The following GANAB variants were observed in gnomAD, a reference collection of about 807,000 sequenced individuals.
GANAB encodes glucosidase II alpha subunit, also known as neutral alpha-glucosidase AB.
In GANAB, 35 loss-of-function variants were observed where a neutral mutation model predicts 129.9. That is an observed-to-expected ratio of 0.27 (90% CI 0.21 to 0.36). GANAB has a LOEUF of 0.36. GANAB is among the 10% of genes least tolerant of loss of function. The pLI, the probability that GANAB is intolerant of heterozygous loss-of-function variation, is 1.00. For synonymous variants in GANAB, 482 were observed against 451.8 expected (o/e 1.07, Z -0.85); for missense variants, 939 against 1,221.0 (o/e 0.77, Z 3.44).
At chr11:62,634,201 T>C (rs1197685289) in intron 5 of GANAB, 2 of 741,894 alleles carry the variant, frequency 2.7e-6, no homozygotes, top group Non-Finnish European at 4.9e-6. Flanking sequence ...CAGGGGAAAG[T>C]GGGGTGAGTG....
Position 62,630,692 on chromosome 11 carries a change from T to G in GANAB, c.1295A>C (p.His432Pro). Residue 432 changes from histidine (H) to proline (P), a missense_variant, in exon 11 of 24, where the codon CAT (histidine) becomes CCT (proline). Around this residue, in one of 5 missense-constraint regions of GANAB, gnomAD observed 220 missense variants for 295.9 expected, o/e 0.74. Coordinates refer to ENST00000356638, the MANE Select transcript of GANAB (RefSeq NM_198334.3). ...GGTGAAATACCGCTTGCCATCAGCATGTTCAATGTCTAGCCAGATGACATC... is the reference window on the plus strand; with the variant it reads ...GGTGAAATACCGCTTGCCATCAGCAGGTTCAATGTCTAGCCAGATGACATC... The part of the protein sequence containing the change: ...PCDVIWLDIE[H>P]ADGKRYFTWD... The G allele has an allele frequency of 6.2e-7, 1 of 1,614,200 alleles. No individual in the cohort carries two copies. Among genetic ancestry groups the G allele is most frequent in the Non-Finnish European group, 8.5e-7 (1 of 1,180,038 alleles).
At chr11:62,638,955 A>G (rs765844741) in intron 4 of GANAB, 28 bp downstream of exon 4, 1 of 1,610,280 alleles carries the variant, frequency 6.2e-7, no homozygotes, top group Non-Finnish European at 8.5e-7. Context: ...GGGGCCACAG[A>G]AATGGATGTT....
At chr11:62,634,441 C>A in intron 5 of GANAB, 1 of 1,034,182 alleles carries the variant, frequency 9.7e-7, no homozygotes, top group Non-Finnish European at 1.5e-6. Flanking sequence ...AAAACAGAAA[C>A]ATAAAAGTGA....
intron 4 of GANAB, among the ~76,000 whole-genome samples, chr11:62,636,855 A>AG (rs1287580223): frequency 6.6e-6 from 1 of 152,126 alleles, no homozygotes; most frequent in East Asian, 1.9e-4. Flanking sequence ...TCAACACAGG[A>AG]GGCGGAGGTT....
chr11:62,629,507 C>G (rs1943559348), intron 15 of GANAB, 81 bp downstream of exon 15: 2 of 974,714 alleles, frequency 2.1e-6, no homozygotes, highest in Admixed American at 2.2e-5. Context: ...TCCCATTCCT[C>G]AGAGAGGCAG....
chr11:62,630,965 C>T, intron 10 of GANAB, 65 bp downstream of exon 10: 1 of 1,549,554 alleles, frequency 6.5e-7, no homozygotes, highest in Non-Finnish European at 8.8e-7. Context: ...CACAGGATCT[C>T]TGAAAACACA....
Position 62,632,991 on chromosome 11 carries a change from A to T in GANAB, c.815+14T>A, listed in dbSNP as rs558180698. On this transcript the variant is annotated intron_variant, in intron 8 of 23. Transcript: ENST00000356638. ...TGCCCACCTCCATCTTCCTGATGTC[A>T]CCATAGGACTCACTCAGTGACCTTC... The T allele has an allele frequency of 6.7e-7, 1 of 1,485,148 alleles. No homozygotes were observed. Among genetic ancestry groups the T allele is most frequent in the Admixed American group, 1.7e-5 (1 of 59,836 alleles). 92.0% of individuals were successfully genotyped at this position (1,485,148 alleles called of 1,614,324 possible).
chr11:62,633,528 G>C lies in GANAB; in HGVS notation c.561-14C>G. The C allele has an allele frequency of 6.2e-7, 1 of 1,613,202 alleles. No individual in the cohort carries two copies. The highest frequency in any genetic ancestry group is 8.5e-7 in the Non-Finnish European group (1 of 1,179,248). On this transcript the variant is annotated splice_polypyrimidine_tract_variant and intron_variant, in intron 5 of 23. Transcript: ENST00000356638. ...TTTGATCCTTGCCTGGAAGGTAGGA[G>C]AGCTGTCTGCTCCAATCCAGAGGGG...
intron 4 of GANAB, among the ~76,000 whole-genome samples, chr11:62,638,514 G>A (rs1944050690): frequency 6.6e-6 from 1 of 151,894 alleles, no homozygotes; most frequent in East Asian, 1.9e-4. Flanking sequence ...ATGGAACACT[G>A]GTGACAGAGT....
At chr11:62,638,917 CA>C in intron 4 of GANAB, 65 bp downstream of exon 4, 21 of 1,556,220 alleles carry the variant, frequency 1.3e-5, no homozygotes, top group Admixed American at 1.7e-5. Flanking sequence ...TATCAGCAAC[CA>C]AAAAAAGGTT....
chr11:62,639,570 T>G (rs546028338), intron 2 of GANAB, 57 bp downstream of exon 2: 2 of 1,447,922 alleles, frequency 1.4e-6, no homozygotes, highest in Non-Finnish European at 1.9e-6. Context: ...GCCACAGATA[T>G]CTCCCACATT....
At chr11:62,628,713 C>G in intron 17 of GANAB, 56 bp downstream of exon 17, 1 of 1,581,884 alleles carries the variant, frequency 6.3e-7, no homozygotes, top group Non-Finnish European at 8.7e-7. Flanking sequence ...GAAGCCCAGT[C>G]CCTAATACCC....
At chr11:62,629,330 G>T in intron 15 of GANAB, 35 bp from the exon 16 acceptor site, 1 of 1,432,918 alleles carries the variant, frequency 7.0e-7, no homozygotes, top group Non-Finnish European at 9.9e-7. Context: ...CTTGCACATG[G>T]TAAAGGAGTT....
intron 1 of GANAB, among the ~76,000 whole-genome samples, chr11:62,645,220 C>T (rs972587246): frequency 2.0e-5 from 3 of 152,108 alleles, no homozygotes; most frequent in Admixed American, 6.6e-5. Context: ...GTCCACCTGC[C>T]AAAAGCAGCA....
rs1322002245 is a variant in GANAB, at chr11:62,625,848, A to G, written c.2802T>C (p.Asn934=). The G allele has an allele frequency of 1.2e-6, 2 of 1,613,202 alleles. No homozygotes were observed. Among genetic ancestry groups the G allele is most frequent in the East Asian group, 4.5e-5 (2 of 44,888 alleles). Residue 934 remains asparagine (N), a synonymous_variant, in exon 24 of 24, where the codon AAT becomes AAC. Coordinates refer to ENST00000356638, the MANE Select transcript of GANAB (RefSeq NM_198334.3). ...SVLVLRKPGI[N]VASDWSIHLR ...GGTGAATACTCCAATCAGATGCCAC[A>G]TTGATGCCAGGCTTGCGCAGGACCA...
Position 62,633,110 on chromosome 11 carries a change from A to T in GANAB, c.719-9T>A. On this transcript the variant is annotated splice_polypyrimidine_tract_variant and intron_variant, in intron 7 of 23. Transcript: ENST00000356638. ...ACCCACAGACATGGGGCCTGGAAGA[A>T]AAACAAACAAGCTTCAGAGCTTCTG... is the stretch of plus-strand genomic sequence containing the variant. 6.2e-7 allele frequency: 1 copy of T among 1,609,334 alleles called. No individual in the cohort carries two copies. The highest frequency in any genetic ancestry group is 1.7e-4 in the Middle Eastern group (1 of 6,056).
chr11:62,631,179 A>G lies in GANAB; in HGVS notation c.1001T>C (p.Leu334Pro), dbSNP rs1183260532. 5 of 1,590,726 alleles carry G rather than the reference A, an allele frequency of 3.1e-6. No homozygotes were observed. Among genetic ancestry groups the G allele is most frequent in the Non-Finnish European group, 4.3e-6 (5 of 1,161,226 alleles). The change falls in exon 10 of 24, where the codon CTG (leucine) becomes CCG (proline). Residue 334 changes from leucine (L) to proline (P), a missense_variant. By Grantham distance (98) the Leu-to-Pro change is moderately conservative. Coordinates refer to ENST00000356638, the MANE Select transcript of GANAB (RefSeq NM_198334.3). ...DISSNTAGKT[L>P]FGKMMDYLQG... ...CAGGTAGTCCATCATCTTCCCAAAC[A>G]GGGTCTGTATAGGTGACCACAAAGG...
At chr11:62,637,106 T>G (rs1026526587) in intron 4 of GANAB, among the ~76,000 whole-genome samples, 8 of 152,034 alleles carry the variant, frequency 5.3e-5, no homozygotes, top group African/African-American at 1.9e-4. Flanking sequence ...TCTAAGAAAT[T>G]TTATCAGTCT....
rs1943629764 is a variant in GANAB at position 62,630,660 on chromosome 11, G to C, written c.1327C>G (p.Pro443Ala). The C allele has an allele frequency of 6.2e-7, 1 of 1,614,092 alleles. No individual in the cohort carries two copies. Among genetic ancestry groups the C allele is most frequent in the African/African-American group, 1.3e-5 (1 of 74,924 alleles). ...GTGCGGGGCTGAGGGAAGCGACTGG[G>C]GTCCCAGGTGAAATACCGCTTGCCA... ...ADGKRYFTWD[P>A]SRFPQPRTML... Residue 443 changes from proline (P) to alanine (A), a missense_variant, in exon 11 of 24, where the codon CCC becomes GCC. Pro to Ala is a conservative substitution (Grantham distance 27). Around this residue, in one of 5 missense-constraint regions of GANAB, gnomAD observed 220 missense variants for 295.9 expected, o/e 0.74. Transcript: ENST00000356638.
Sources: allele counts gnomAD v4.1 joint callset (sites outside exome capture counted in the v4.1 genomes callset), GRCh38; gene constraint gnomAD v4.1.1; regional missense constraint gnomAD v4.1.1; transcripts MANE v1.5; gene names NCBI Gene and HGNC (gene_info 2026-07-23, HGNC 2026-07-21).